GCKR: variants seen among roughly 807,000 people sequenced by gnomAD.
The protein encoded by GCKR is glucokinase regulator.
In GCKR, 73 loss-of-function variants were observed where a neutral mutation model predicts 82.9. The observed-to-expected ratio is 0.88, with a 90% CI of 0.73 to 1.07. The LOEUF is 1.07. GCKR is among the 50% of genes least tolerant of loss of function. The pLI, the probability that GCKR is intolerant of heterozygous loss-of-function variation, is 0.00. For missense variants in GCKR, 784 were observed against 782.1 expected, an observed-to-expected ratio of 1.00 and a Z score of -0.03; for synonymous variants, 294 against 291.8, an observed-to-expected ratio of 1.01 and a Z score of -0.08.
intron 9 of GCKR, among the ~76,000 whole-genome samples, chr2:27,504,358 C>CTTTT (rs72281151): frequency 7.1e-6 from 1 of 141,596 alleles, no homozygotes; most frequent in Non-Finnish European, 1.6e-5. Context: ...TCAGTCACTA[C>CTTTT]TTTTTTTTTT....
intron 16 of GCKR, among the ~76,000 whole-genome samples, chr2:27,509,352 T>G (rs1669824657): frequency 6.6e-6 from 1 of 152,160 alleles, no homozygotes; most frequent in Non-Finnish European, 1.5e-5. Context: ...TTCTTTTTAT[T>G]TTTTAAAGAC....
chr2:27,499,412 AAG>A lies in GCKR; in HGVS notation c.516_517del (p.Arg172SerfsTer45). 6.2e-7 allele frequency: 1 copy of A among 1,612,780 alleles called. No homozygotes were observed. Among genetic ancestry groups the A allele is most frequent in the Non-Finnish European group, 8.5e-7 (1 of 1,178,754 alleles). On this transcript the variant is annotated frameshift_variant, in exon 7 of 19. Coordinates refer to ENST00000264717, the MANE Select transcript of GCKR (RefSeq NM_001486.4). LOFTEE classifies it high-confidence loss of function. ...CCTCTCCTAGGTGGCTGCCGGGAAGAAGAGAGTGATTGTCATTGGCATTTCTG... is the reference window on the plus strand; with the variant it reads ...CCTCTCCTAGGTGGCTGCCGGGAAGAAGAGTGATTGTCATTGGCATTTCTG... ...EELKKVAAGK[K>X]RVIVIGISVG...
intron 16 of GCKR, among the ~76,000 whole-genome samples, chr2:27,516,297 T>G (rs974505946): frequency 2.8e-5 from 4 of 140,390 alleles, no homozygotes; most frequent in African/African-American, 5.4e-5. Context: ...TTTTTTTTTT[T>G]TTTTTTTTTT....
intron 16 of GCKR, among the ~76,000 whole-genome samples, chr2:27,517,556 C>T (rs1385648370): frequency 6.6e-6 from 1 of 152,172 alleles, no homozygotes; most frequent in Admixed American, 6.5e-5. Context: ...CAATTACCTC[C>T]ACCTGGTCTC....
At chr2:27,504,592 C>A (rs1049746143) in intron 9 of GCKR, among the ~76,000 whole-genome samples, 1 of 151,810 alleles carries the variant, frequency 6.6e-6, no homozygotes, top group Non-Finnish European at 1.5e-5. Context: ...AGGTGATCCG[C>A]CCGCCTCGGC....
At chr2:27,509,883 G>A (rs1401904557) in intron 16 of GCKR, 1 of 151,328 alleles carries the variant, frequency 6.6e-6, no homozygotes, top group Non-Finnish European at 1.5e-5. Flanking sequence ...TACTTGATAT[G>A]CTGTTTTAAA....
At chr2:27,505,328 A>G (rs1204363089) in intron 9 of GCKR, among the ~76,000 whole-genome samples, 2 of 147,132 alleles carry the variant, frequency 1.4e-5, no homozygotes, top group East Asian at 2.1e-4. Flanking sequence ...CCCAGGAGGC[A>G]GAGCTTGCAG....
At position 27,499,405 on chromosome 2, in the gene GCKR, C is replaced by A. The variant is rs189485742; in HGVS notation, c.504C>A (p.Ala168=). ...HGIEELKKVA[A]GKKRVIVIGI... is the part of the protein sequence containing the mutation. ...CCATCCTCCTCTCCTAGGTGGCTGCCGGGAAGAAGAGAGTGATTGTCATTG... is the reference window on the plus strand; with the variant it reads ...CCATCCTCCTCTCCTAGGTGGCTGCAGGGAAGAAGAGAGTGATTGTCATTG... Residue 168 remains alanine (A), a synonymous_variant, in exon 7 of 19, where the codon GCC becomes GCA. Coordinates refer to ENST00000264717, the MANE Select transcript of GCKR (RefSeq NM_001486.4). The A allele has an allele frequency of 6.2e-7, 1 of 1,611,886 alleles. No homozygotes were observed. The highest frequency in any genetic ancestry group is 8.5e-7 in the Non-Finnish European group (1 of 1,178,078).
At chr2:27,506,674 G>C (rs1024834508) in intron 11 of GCKR, 95 bp downstream of exon 11, 1 of 1,103,214 alleles carries the variant, frequency 9.1e-7, no homozygotes, top group African/African-American at 1.5e-5. Flanking sequence ...CGGTATGGGC[G>C]ATAGGATTGC....
In GCKR at chr2:27,523,141, T is replaced by C. The variant is rs148653379; in HGVS notation, c.1708-128T>C. The C allele has an allele frequency of 1.5e-3, 1,133 of 747,546 alleles. 8 individuals are homozygous for C. In the African/African-American group the frequency reaches 0.017, roughly 11 times the overall value. The allele number at this position is 747,546 out of a possible 1,614,324, so 46.3% of individuals were successfully genotyped here. A position where few individuals can be genotyped will look rare whatever the true frequency, so the allele number is the denominator to read the frequency against. ...CTCAAACTCCTGAACTTAAGTGATC[T>C]GCCCACCTCGGCCTCCCAAAGTGCT... On this transcript the variant is annotated intron_variant, in intron 18 of 18. Coordinates refer to ENST00000264717, the MANE Select transcript of GCKR (RefSeq NM_001486.4).
chr2:27,502,681 T>C (rs1159503595), intron 8 of GCKR, among the ~76,000 whole-genome samples: 3 of 152,038 alleles, frequency 2.0e-5, no homozygotes, highest in African/African-American at 7.3e-5. Context: ...ACAACGGGCA[T>C]GAAATATGTG....
chr2:27,509,542 A>G (rs1310482033), intron 16 of GCKR: 1 of 447,476 alleles, frequency 2.2e-6, no homozygotes, highest in South Asian at 1.6e-5. Context: ...GGGTTTCTCC[A>G]CATTGCCCAG....
At chr2:27,503,679 C>T (rs1669640484) in intron 9 of GCKR, 60 bp downstream of exon 9, 1 of 846,358 alleles carries the variant, frequency 1.2e-6, no homozygotes, top group Non-Finnish European at 2.1e-6. Context: ...CTGCTTGCCA[C>T]TTCCTTGGGG....
intron 16 of GCKR, among the ~76,000 whole-genome samples, chr2:27,512,899 A>T (rs939262109): frequency 6.6e-6 from 1 of 152,184 alleles, no homozygotes; most frequent in Non-Finnish European, 1.5e-5. Flanking sequence ...AATATGCCTC[A>T]CTTTGGATTT....
intron 16 of GCKR, among the ~76,000 whole-genome samples, chr2:27,514,215 ATATG>A (rs1669951180): frequency 6.6e-6 from 1 of 152,248 alleles, no homozygotes; most frequent in Non-Finnish European, 1.5e-5. Flanking sequence ...ATACATATAC[ATATG>A]TATGTTTGTT....
rs1669758620 is a variant in GCKR, at chr2:27,506,806, CG to C, written c.988del (p.Val330CysfsTer18). The C allele has an allele frequency of 3.1e-6, 5 of 1,611,992 alleles. No homozygotes were observed. The South Asian group carries it at 5.5e-5, about 18-fold the overall frequency. On this transcript the variant is annotated frameshift_variant, in exon 12 of 19. Coordinates refer to ENST00000264717, the MANE Select transcript of GCKR (RefSeq NM_001486.4). LOFTEE classifies it high-confidence loss of function. Reference sequence around the variant, plus strand: ...TTCTCAGTCTGGAGAAGAAAGGCCACGTGTACCTGGTTGGCTGGCAGACCCT... The same window carrying C: ...TTCTCAGTCTGGAGAAGAAAGGCCACTGTACCTGGTTGGCTGGCAGACCCT... Reference protein sequence around the residue: ...VSTSLEKKGHVYLVGWQTLGI... With the variant: ...VSTSLEKKGHXYLVGWQTLGI...
chr2:27,519,712 C>G (rs1670105350), intron 17 of GCKR, among the ~76,000 whole-genome samples: 1 of 152,190 alleles, frequency 6.6e-6, no homozygotes, highest in Admixed American at 6.5e-5. Flanking sequence ...CTTGCCTGTC[C>G]TGTGGTTCTT....
intron 16 of GCKR, among the ~76,000 whole-genome samples, chr2:27,514,849 A>G (rs1007466703): frequency 6.6e-6 from 1 of 152,224 alleles, no homozygotes; most frequent in Non-Finnish European, 1.5e-5. Context: ...CATACCAGCA[A>G]TATACAAGAA....
At chr2:27,505,640 TGCCCGG>T in intron 9 of GCKR, 72 bp from the exon 10 acceptor site, 1 of 796,170 alleles carries the variant, frequency 1.3e-6, no homozygotes. Context: ...ATCACATGCA[TGCCCGG>T]GGGTTACTAA....
Sources: gnomAD v4.1 joint callset for allele counts (sites outside exome capture counted in the v4.1 genomes callset) on GRCh38, gnomAD v4.1.1 for gene constraint, MANE v1.5 for transcripts, NCBI Gene and HGNC (gene_info 2026-07-23, HGNC 2026-07-21) for gene names.